Variants in CSTF3 observed in about 807,000 individuals in gnomAD.
The protein encoded by CSTF3 is cleavage stimulation factor subunit 3.
CSTF3 carries 29 observed loss-of-function variants against 105.8 expected under a neutral mutation model. That is an observed-to-expected ratio of 0.27 (90% confidence interval 0.20 to 0.37). CSTF3 has a LOEUF of 0.37. CSTF3 is among the 10% of genes least tolerant of loss of function. CSTF3 has a pLI of 1.00. For synonymous variants in CSTF3, 252 were observed against 281.9 expected, an observed-to-expected ratio of 0.89 and a Z score of 1.06; for missense variants, 357 against 879.3, an observed-to-expected ratio of 0.41 and a Z score of 7.51.
At chr11:33,149,843 AC>A (rs1328605659) in intron 1 of CSTF3, among the ~76,000 whole-genome samples, 3 of 152,006 alleles carry the variant, frequency 2.0e-5, no homozygotes, top group African/African-American at 7.3e-5. Context: ...ACATGGTAAA[AC>A]CCTGTCTCTA....
chr11:33,088,271 C>T (rs1855128360), intron 17 of CSTF3, among the ~76,000 whole-genome samples: 2 of 151,152 alleles, frequency 1.3e-5, no homozygotes, highest in African/African-American at 4.9e-5. Flanking sequence ...AGTAGTTCTA[C>T]TCCTGAATAC....
At chr11:33,111,095 T>C (rs1430819337) in intron 3 of CSTF3, among the ~76,000 whole-genome samples, 1 of 152,082 alleles carries the variant, frequency 6.6e-6, no homozygotes, top group Non-Finnish European at 1.5e-5. Context: ...CTGGACATAG[T>C]GGCCGGCGCC....
At chr11:33,130,737 A>C (rs1190467423) in intron 3 of CSTF3, among the ~76,000 whole-genome samples, 1 of 152,100 alleles carries the variant, frequency 6.6e-6, no homozygotes, top group East Asian at 1.9e-4. Context: ...AAAAATATTC[A>C]AAGTGGTAAA....
rs555790659 is a variant in CSTF3 at position 33,140,913 on chromosome 11, T to C, written c.225+754A>G. On this transcript the variant is annotated intron_variant, in intron 3 of 20. Transcript: ENST00000323959. The stretch of plus-strand genomic sequence containing the variant: ...AATGACTACTTGGTGCCAATTGTTA[T>C]TGACACATTAAAACTTTTATTATCA... 23 of 152,236 alleles carry C rather than the reference T, an allele frequency of 1.5e-4. No homozygotes were observed. The South Asian group carries it at 4.8e-3, about 32-fold the overall frequency. 9.4% of individuals were successfully genotyped at this position (152,236 alleles called of 1,614,324 possible). A position where few individuals can be genotyped will look rare whatever the true frequency, so the allele number is the denominator to read the frequency against.
chr11:33,106,023 A>G lies in CSTF3; in HGVS notation c.398T>C (p.Ile133Thr), dbSNP rs1565006205. ...CTGATAGGACATAATTTCCATTCCA[A>G]TTTTATCCAGTGCAAAGTCATATGC... Reference protein sequence around the residue: ...AQAYDFALDKIGMEIMSYQIW... With the variant: ...AQAYDFALDKTGMEIMSYQIW... The change falls in exon 6 of 21, where the codon ATT (isoleucine) becomes ACT (threonine). Residue 133 changes from isoleucine (I) to threonine (T), a missense_variant. By Grantham distance (89) the Ile-to-Thr change is moderately conservative (BLOSUM62 -1). This residue lies in a region of CSTF3 where 78 missense variants were observed against 180.4 expected (regional missense o/e 0.43). Transcript: ENST00000323959. 1 of 1,612,934 alleles carries G rather than the reference A, an allele frequency of 6.2e-7. No homozygotes were observed. Among genetic ancestry groups the G allele is most frequent in the Non-Finnish European group, 8.5e-7 (1 of 1,179,208 alleles).
intron 3 of CSTF3, among the ~76,000 whole-genome samples, chr11:33,133,687 A>G (rs1855623650): frequency 6.6e-6 from 1 of 152,210 alleles, no homozygotes; most frequent in South Asian, 2.1e-4. Flanking sequence ...TCTACTAAAA[A>G]TACAAATATT....
intron 16 of CSTF3, among the ~76,000 whole-genome samples, chr11:33,091,651 A>C (rs1855170194): frequency 6.6e-6 from 1 of 152,154 alleles, no homozygotes; most frequent in African/African-American, 2.4e-5. Context: ...GGAGGTGAAA[A>C]TTTCAGAATG....
At chr11:33,094,839 A>G (rs563590026) in intron 15 of CSTF3, among the ~76,000 whole-genome samples, 3 of 98,204 alleles carry the variant, frequency 3.1e-5, no homozygotes, top group Non-Finnish European at 8.6e-5. Flanking sequence ...ATATAATTGC[A>G]TATTTCTTTC....
intron 3 of CSTF3, among the ~76,000 whole-genome samples, chr11:33,134,227 C>T (rs569286051): frequency 1.6e-4 from 25 of 152,280 alleles, no homozygotes; most frequent in African/African-American, 5.5e-4. Context: ...ACAAAAATTG[C>T]TTAAATAACT....
At chr11:33,143,711 T>C (rs1486153972) in intron 1 of CSTF3, among the ~76,000 whole-genome samples, 1 of 152,020 alleles carries the variant, frequency 6.6e-6, no homozygotes, top group African/African-American at 2.4e-5. Context: ...ATTGCGCCAC[T>C]GCACTCCAGC....
At chr11:33,156,878 C>A in intron 1 of CSTF3, 1 of 307,896 alleles carries the variant, frequency 3.2e-6, no homozygotes. Flanking sequence ...CTTTAAGCAT[C>A]AAAATATTAT....
intron 16 of CSTF3, among the ~76,000 whole-genome samples, chr11:33,091,252 C>G (rs1855165891): frequency 6.6e-6 from 1 of 152,120 alleles, no homozygotes; most frequent in African/African-American, 2.4e-5. Flanking sequence ...TTCCCATTAA[C>G]GTGGATCACT....
intron 3 of CSTF3, chr11:33,134,455 T>C (rs2133794567): frequency 6.6e-6 from 1 of 152,214 alleles, no homozygotes; most frequent in East Asian, 1.9e-4. Context: ...CCAAAGGAAA[T>C]GGTGGATGAG....
At chr11:33,090,455 G>T in intron 17 of CSTF3, 77 bp downstream of exon 17, 1 of 820,296 alleles carries the variant, frequency 1.2e-6, no homozygotes. Flanking sequence ...TCAGAATTTA[G>T]AGTGCAGGTT....
At chr11:33,100,786 T>C (rs1447956263) in intron 10 of CSTF3, among the ~76,000 whole-genome samples, 1 of 151,950 alleles carries the variant, frequency 6.6e-6, no homozygotes, top group South Asian at 2.1e-4. Flanking sequence ...ATAAGTGAAG[T>C]GGAGTAAGGA....
At position 33,103,773 on chromosome 11, in the gene CSTF3, GA is replaced by G. The variant is rs557279404; in HGVS notation, c.586-590del. 6.2e-4 allele frequency among the ~76,000 whole-genome samples: 92 copies of G among 148,742 alleles called. 1 individual carries two copies. Among genetic ancestry groups the G allele is most frequent in the African/African-American group, 8.1e-4 (33 of 40,708 alleles). Reference sequence around the variant, plus strand: ...CGACAGAGCGAGACTCTGTCTCAAAGAAAAAAAAAATATGTACAGATTCATC... The same window carrying G: ...CGACAGAGCGAGACTCTGTCTCAAAGAAAAAAAAATATGTACAGATTCATC... On this transcript the variant is annotated intron_variant, in intron 8 of 20. Coordinates refer to ENST00000323959, the MANE Select transcript of CSTF3 (RefSeq NM_001326.3).
intron 3 of CSTF3, chr11:33,136,267 T>C (rs960683708): frequency 6.6e-6 from 1 of 152,210 alleles, no homozygotes; most frequent in African/African-American, 2.4e-5. Context: ...TATGCCATTA[T>C]ACAAACCAAC....
At chr11:33,121,035 C>T (rs1312857715) in intron 3 of CSTF3, among the ~76,000 whole-genome samples, 1 of 152,002 alleles carries the variant, frequency 6.6e-6, no homozygotes, top group African/African-American at 2.4e-5. Context: ...TTCGATCTTT[C>T]CGTGAGCACA....
At position 33,084,819 on chromosome 11, in the gene CSTF3, C is replaced by T; in HGVS notation, c.*268G>A. ...CTTCAAGCGGCACATACAAGACACC[C>T]TTGAAGAGGGAACAAAATGTGGTTC... On this transcript the variant is annotated 3_prime_UTR_variant, in exon 21 of 21. Coordinates refer to ENST00000323959, the MANE Select transcript of CSTF3 (RefSeq NM_001326.3). 4.2e-6 allele frequency: 2 copies of T among 474,708 alleles called. No individual in the cohort carries two copies. Among genetic ancestry groups the T allele is most frequent in the Non-Finnish European group, 7.6e-6 (2 of 263,210 alleles). 29.4% of individuals were successfully genotyped at this position (474,708 alleles called of 1,614,324 possible).
Sources: gnomAD v4.1 joint callset for allele counts (sites outside exome capture counted in the v4.1 genomes callset) on GRCh38, gnomAD v4.1.1 for gene constraint, gnomAD v4.1.1 regional missense constraint, MANE v1.5 for transcripts, NCBI Gene and HGNC (gene_info 2026-07-23, HGNC 2026-07-21) for gene names.